CA8: variants seen among roughly 807,000 people sequenced by gnomAD.
CA8 encodes carbonic anhydrase-related protein.
A neutral mutation model predicts 41.4 loss-of-function variants in CA8; 22 were observed. The observed-to-expected ratio is 0.53, with a 90% CI of 0.38 to 0.76. CA8 has a LOEUF of 0.76. Among genes scored for constraint, CA8 ranks in the 30% least tolerant of loss-of-function variants. CA8 has a pLI of 0.00. For synonymous variants in CA8, 121 were observed against 130.6 expected, an observed-to-expected ratio of 0.93 and a Z score of 0.50; for missense variants, 270 against 352.8, an observed-to-expected ratio of 0.77 and a Z score of 1.88.
At chr8:60,274,917 A>C (rs1418306415) in intron 2 of CA8, among the ~76,000 whole-genome samples, 1 of 152,242 alleles carries the variant, frequency 6.6e-6, no homozygotes, top group Non-Finnish European at 1.5e-5. Context: ...TAGGAAACTG[A>C]AAACAGAAAA....
chr8:60,268,807 C>A (rs1803978846), intron 2 of CA8, among the ~76,000 whole-genome samples: 1 of 152,072 alleles, frequency 6.6e-6, no homozygotes, highest in Admixed American at 6.5e-5. Context: ...CATATTTTTT[C>A]TGAGTCCTAT....
At chr8:60,229,978 T>G (rs1807583927) in intron 4 of CA8, among the ~76,000 whole-genome samples, 1 of 152,258 alleles carries the variant, frequency 6.6e-6, no homozygotes. Flanking sequence ...TCCTGTATGA[T>G]CTGGGGCATC....
chr8:60,208,710 T>G lies in CA8; in HGVS notation c.*35+40A>C, dbSNP rs904812625. 3.9e-6 allele frequency: 6 copies of G among 1,555,536 alleles called. No individual in the cohort carries two copies. In the African/African-American group the frequency reaches 6.8e-5, roughly 18 times the overall value. ...GTACCTTTGGTACGCTAGGTTTAAG[T>G]AGCTGTGCACCTCATTTTCCTTACT... is the stretch of plus-strand genomic sequence containing the variant. On this transcript the variant is annotated intron_variant, in intron 8 of 8. Coordinates refer to ENST00000317995, the MANE Select transcript of CA8 (RefSeq NM_004056.6).
chr8:60,264,295 T>C (rs1378309326), intron 3 of CA8, among the ~76,000 whole-genome samples: 1 of 152,230 alleles, frequency 6.6e-6, no homozygotes, highest in African/African-American at 2.4e-5. Flanking sequence ...ACAGCTACCT[T>C]TCCCTAGAAC....
intron 5 of CA8, among the ~76,000 whole-genome samples, chr8:60,225,973 T>C (rs577580762): frequency 6.6e-6 from 1 of 152,246 alleles, no homozygotes; most frequent in Admixed American, 6.5e-5. Flanking sequence ...AATACAAAAA[T>C]TAGCTGGGCG....
intron 2 of CA8, among the ~76,000 whole-genome samples, chr8:60,270,681 G>A (rs941804279): frequency 2.0e-5 from 3 of 152,180 alleles, no homozygotes; most frequent in Admixed American, 2.0e-4. Context: ...CTCCCAAAGT[G>A]CGTAGATTAC....
chr8:60,190,432 AATATATATAT>A (rs57878452), intron 8 of CA8, among the ~76,000 whole-genome samples: 21,761 of 99,138 alleles, frequency 0.22, 2,359 homozygotes, highest in Middle Eastern at 0.29. Context: ...ATAAATGCAG[AATATATATAT>A]ATATATATAT....
At chr8:60,194,038 G>A (rs756952355) in intron 8 of CA8, among the ~76,000 whole-genome samples, 3 of 152,092 alleles carry the variant, frequency 2.0e-5, no homozygotes, top group Admixed American at 6.6e-5. Flanking sequence ...ATCTGTAGAA[G>A]TTCTCATTTC....
At position 60,281,384 on chromosome 8, in the gene CA8, G is replaced by A. The variant is rs1804426436; in HGVS notation, c.-237C>T. The A allele has an allele frequency of 1.8e-6, 1 of 546,914 alleles. No homozygotes were observed. Among genetic ancestry groups the A allele is most frequent in the South Asian group, 2.0e-5 (1 of 49,136 alleles). 33.9% of individuals were successfully genotyped at this position (546,914 alleles called of 1,614,324 possible). On this transcript the variant is annotated 5_prime_UTR_variant, in exon 1 of 9. Transcript: ENST00000317995. ...GCGTCCGGAGGCCCCAGCAGAGCGAGGGAGCGGCTGTGGCCTGGGGAGCGA... is the reference window on the plus strand; with the variant it reads ...GCGTCCGGAGGCCCCAGCAGAGCGAAGGAGCGGCTGTGGCCTGGGGAGCGA...
At chr8:60,215,341 T>TTGTG (rs1189662286) in intron 7 of CA8, among the ~76,000 whole-genome samples, 14 of 134,644 alleles carry the variant, frequency 1.0e-4, no homozygotes, top group Non-Finnish European at 1.9e-4. Flanking sequence ...AAAAACACTG[T>TTGTG]CGTGTGTGTG....
At chr8:60,219,529 T>C (rs1807161458) in intron 7 of CA8, among the ~76,000 whole-genome samples, 1 of 152,176 alleles carries the variant, frequency 6.6e-6, no homozygotes, top group Admixed American at 6.5e-5. Flanking sequence ...GTTCTTGTCA[T>C]GTGTTTCCAA....
chr8:60,224,540 G>A lies in CA8; in HGVS notation c.622C>T (p.Pro208Ser). The stretch of plus-strand genomic sequence containing the variant: ...ATGCAATCAGGTAAATACTCACCTG[G>A]TAATAAAGTGTTAGGATTAAAGCAA... Reference protein sequence around the residue: ...IPCFNPNTLLPDPLLRDYWVY... With the variant: ...IPCFNPNTLLSDPLLRDYWVY... The change falls in exon 6 of 9, where the codon CCA (proline) becomes TCA (serine). Residue 208 changes from proline to serine, a missense_variant. Transcript: ENST00000317995. 6.4e-7 allele frequency: 1 copy of A among 1,565,828 alleles called. No individual in the cohort carries two copies. The highest frequency in any genetic ancestry group is 8.8e-7 in the Non-Finnish European group (1 of 1,137,054).
Position 60,256,180 on chromosome 8 carries a change from G to C in CA8, c.417+9745C>G, listed in dbSNP as rs369878620. The stretch of plus-strand genomic sequence containing the variant: ...CCACCTCAGCCTCCCAAAATGCTAG[G>C]ATTACAGGCATGAGCCGCCACACTC... On this transcript the variant is annotated intron_variant, in intron 3 of 8. Transcript: ENST00000317995. Among the ~76,000 whole-genome samples, 2 of 152,128 alleles carry C rather than the reference G, an allele frequency of 1.3e-5. 1 individual carries two copies. The highest frequency in any genetic ancestry group is 1.3e-4 in the Admixed American group (2 of 15,282).
chr8:60,208,622 A>G (rs974416757), intron 8 of CA8, 128 bp downstream of exon 8: 3 of 807,058 alleles, frequency 3.7e-6, no homozygotes, highest in East Asian at 2.6e-5. Context: ...AGAATGTGTC[A>G]TAAATTTTAT....
chr8:60,229,063 T>C (rs1807544218), intron 4 of CA8, among the ~76,000 whole-genome samples: 2 of 152,238 alleles, frequency 1.3e-5, no homozygotes, highest in East Asian at 1.9e-4. Flanking sequence ...GAACAACTCA[T>C]TTCTCACCTC....
At chr8:60,265,553 T>C (rs1399268204) in intron 3 of CA8, 5 of 236,994 alleles carry the variant, frequency 2.1e-5, no homozygotes, top group Admixed American at 5.4e-5. Context: ...ACCTACACTT[T>C]TCATTACTGT....
intron 3 of CA8, among the ~76,000 whole-genome samples, chr8:60,264,547 T>A (rs1055208861): frequency 1.3e-5 from 2 of 152,060 alleles, no homozygotes; most frequent in African/African-American, 4.8e-5. Flanking sequence ...GAGAGAGAGG[T>A]GACACAGAAG....
At chr8:60,214,395 C>G (rs530944329) in intron 7 of CA8, among the ~76,000 whole-genome samples, 1 of 152,298 alleles carries the variant, frequency 6.6e-6, no homozygotes, top group Non-Finnish European at 1.5e-5. Context: ...ATCACATTGG[C>G]AACACCTGAA....
chr8:60,189,710 G>C lies in CA8; in HGVS notation c.*311C>G, dbSNP rs1806060756. On this transcript the variant is annotated 3_prime_UTR_variant, in exon 9 of 9. Coordinates refer to ENST00000317995, the MANE Select transcript of CA8 (RefSeq NM_004056.6). ...TATATTCATATTAATAACAACTCTG[G>C]AAACTAGTTTCATTCCTTCTACACA... The C allele has an allele frequency of 6.6e-6, 1 of 152,340 alleles. No individual in the cohort carries two copies. The highest frequency in any genetic ancestry group is 2.1e-4 in the South Asian group (1 of 4,822). The allele number at this position is 152,340 out of a possible 1,614,324, so 9.4% of individuals were successfully genotyped here.
Sources: allele counts gnomAD v4.1 joint callset (sites outside exome capture counted in the v4.1 genomes callset), GRCh38; gene constraint gnomAD v4.1.1; transcripts MANE v1.5; gene names NCBI Gene and HGNC (gene_info 2026-07-23, HGNC 2026-07-21).